The following PSMB7 variants were observed in gnomAD, a reference collection of about 807,000 sequenced individuals.
PSMB7 encodes proteasome subunit beta type-7.
A neutral mutation model predicts 28.1 loss-of-function variants in PSMB7; 5 were observed. That is an observed-to-expected ratio of 0.18 (90% CI 0.09 to 0.37). The LOEUF (loss-of-function observed/expected upper bound fraction) is 0.37, where lower values mean the gene tolerates loss of function less well. Among genes scored for constraint, PSMB7 ranks in the 10% least tolerant of loss-of-function variants. The probability of loss-of-function intolerance (pLI) is 1.00; values close to 1 mark genes in which losing one functional copy is unlikely to be tolerated. For missense variants in PSMB7, 275 were observed against 346.2 expected, an observed-to-expected ratio of 0.79 and a Z score of 1.63; for synonymous variants, 122 against 123.7, an observed-to-expected ratio of 0.99 and a Z score of 0.09.
At chr9:124,361,501 G>C (rs79967707) in intron 6 of PSMB7, among the ~76,000 whole-genome samples, 4,341 of 152,296 alleles carry the variant, frequency 0.029, 92 homozygotes, top group Non-Finnish European at 0.044. Flanking sequence ...GAATCATACA[G>C]AAAAGGCTGA....
chr9:124,375,004 G>A (rs1006083725), intron 6 of PSMB7, among the ~76,000 whole-genome samples: 1 of 151,834 alleles, frequency 6.6e-6, no homozygotes, highest in African/African-American at 2.4e-5. Context: ...AGCCGGGCAT[G>A]GTGGCGCACA....
At chr9:124,381,576 A>G (rs1830664907) in intron 6 of PSMB7, among the ~76,000 whole-genome samples, 1 of 152,252 alleles carries the variant, frequency 6.6e-6, no homozygotes, top group Admixed American at 6.5e-5. Context: ...TAATTAGGCA[A>G]GAAAAGTTAT....
chr9:124,386,385 G>T (rs986789201), intron 5 of PSMB7, among the ~76,000 whole-genome samples: 23 of 152,204 alleles, frequency 1.5e-4, no homozygotes, highest in Admixed American at 1.4e-3. Flanking sequence ...AGATTCAGGG[G>T]TCAAGGGGGA....
Position 124,414,442 on chromosome 9 carries a change from T to C in PSMB7, c.156+400A>G, listed in dbSNP as rs367793833. Among the ~76,000 whole-genome samples the C allele has an allele frequency of 1.3e-3, 193 of 152,254 alleles. 1 individual carries two copies. The highest frequency in any genetic ancestry group is 2.0e-3 in the Non-Finnish European group (134 of 68,020). ...AATTTAAGGCAGGAGTTATCTCCAT[T>C]TGATGCATCTGAAGGTGTCCCTGTG... On this transcript the variant is annotated intron_variant, in intron 2 of 7. Transcript: ENST00000259457.
rs772147967 is a variant in PSMB7 at position 124,405,330 on chromosome 9, A to C, written c.498T>G (p.Pro166=). Residue 166 remains proline (P), a synonymous_variant, in exon 5 of 8, where the codon CCT becomes CCG. Transcript: ENST00000259457. ...IYPHGSTDKL[P]YVTMGSGSLA... ...CGTTACACTCACCCATGGTGACATA[A>C]GGCAACTTATCAGTTGATCCATGAG... The C allele has an allele frequency of 1.9e-6, 3 of 1,609,394 alleles. No individual in the cohort carries two copies. Among genetic ancestry groups the C allele is most frequent in the East Asian group, 2.2e-5 (1 of 44,850 alleles).
rs375266282 is a variant in PSMB7, at chr9:124,412,377, G to A, written c.370C>T (p.Arg124Trp). ...GRLPRVVTAN[R>W]MLKQMLFRYQ... ...CTGAAAAGCATCTGCTTCAGCATCC[G>A]ATTGGCTGTCACAACTCTGGGAAGA... is the stretch of plus-strand genomic sequence containing the variant. Residue 124 changes from arginine to tryptophan, a missense_variant, in exon 4 of 8, where the codon CGG (arginine) becomes TGG (tryptophan). This residue lies in a region of PSMB7 where 213 missense variants were observed against 302.4 expected (regional missense o/e 0.70). Transcript: ENST00000259457. 1.9e-5 allele frequency: 31 copies of A among 1,613,952 alleles called. No homozygotes were observed. Among genetic ancestry groups the A allele is most frequent in the African/African-American group, 2.7e-5 (2 of 74,928 alleles).
At chr9:124,392,549 T>C (rs1238481077) in intron 5 of PSMB7, among the ~76,000 whole-genome samples, 1 of 152,190 alleles carries the variant, frequency 6.6e-6, no homozygotes, top group Non-Finnish European at 1.5e-5. Flanking sequence ...CTCTGAGGGT[T>C]ACACAAGATG....
rs1830412199 is a variant in PSMB7, at chr9:124,356,796, G to A, written c.690C>T (p.Arg230=). 2.5e-6 allele frequency: 4 copies of A among 1,614,166 alleles called. No individual in the cohort carries two copies. The highest frequency in any genetic ancestry group is 3.4e-6 in the Non-Finnish European group (4 of 1,180,006). Reference sequence around the variant, plus strand: ...CCTTCTTGTTGGGCACTGTGTATGGGCGGAGAAAATCCAGCTTGTTCTTGC... The same window carrying A: ...CCTTCTTGTTGGGCACTGTGTATGGACGGAGAAAATCCAGCTTGTTCTTGC... ...VISKNKLDFL[R]PYTVPNKKGT... The change falls in exon 7 of 8, where the codon CGC becomes CGT. Residue 230 remains arginine (R), a synonymous_variant. Transcript: ENST00000259457. This position sits in a 1 kb window ranked among gnomAD's most constrained non-coding sequence, Gnocchi z 4.4.
intron 6 of PSMB7, among the ~76,000 whole-genome samples, chr9:124,358,284 A>G (rs1588566084): frequency 6.6e-6 from 1 of 152,202 alleles, no homozygotes; most frequent in African/African-American, 2.4e-5. Flanking sequence ...TTCCAGTGAC[A>G]TAAGCGCCCT....
At chr9:124,367,444 C>T (rs1016148847) in intron 6 of PSMB7, among the ~76,000 whole-genome samples, 3 of 152,082 alleles carry the variant, frequency 2.0e-5, no homozygotes, top group African/African-American at 7.2e-5. Flanking sequence ...CTCCATGAGA[C>T]CTCCAGGCAT....
At chr9:124,392,961 G>A (rs1016429382) in intron 5 of PSMB7, among the ~76,000 whole-genome samples, 1 of 152,158 alleles carries the variant, frequency 6.6e-6, no homozygotes, top group East Asian at 1.9e-4. Context: ...AGCTCTCCCT[G>A]ACAGAGCGCT....
At chr9:124,382,048 C>T (rs1451077532) in intron 6 of PSMB7, among the ~76,000 whole-genome samples, 2 of 151,274 alleles carry the variant, frequency 1.3e-5, no homozygotes, top group Non-Finnish European at 3.0e-5. Flanking sequence ...TGCTTGAGCT[C>T]AGGAGTTCCA....
intron 6 of PSMB7, among the ~76,000 whole-genome samples, chr9:124,367,643 G>C (rs1830520650): frequency 6.6e-6 from 1 of 152,160 alleles, no homozygotes; most frequent in African/African-American, 2.4e-5. Context: ...ATCTAGTCCT[G>C]TTACTTACCA....
At chr9:124,374,359 TAC>T (rs1363063564) in intron 6 of PSMB7, among the ~76,000 whole-genome samples, 2 of 152,202 alleles carry the variant, frequency 1.3e-5, no homozygotes, top group Non-Finnish European at 2.9e-5. Flanking sequence ...ACCACTGAAC[TAC>T]ACAGTTAGAA....
At chr9:124,395,663 C>T (rs760787672) in intron 5 of PSMB7, among the ~76,000 whole-genome samples, 2 of 152,252 alleles carry the variant, frequency 1.3e-5, no homozygotes, top group Middle Eastern at 3.4e-3. Flanking sequence ...TAAAACGCGA[C>T]GCTTCAGCAC....
In PSMB7 at chr9:124,415,410, C is replaced by T. The variant is rs1402090401; in HGVS notation, c.16G>A (p.Val6Met). ...AAGCCTCCAACTGGTGGAGCATACA[C>T]CGACACAGCCGCCATCTTCCCAAGA... MAAVS[V>M]YAPPVGGFSF... The change falls in exon 1 of 8, where the codon GTG becomes ATG. Residue 6 changes from valine to methionine, a missense_variant. Around this residue, in one of 2 missense-constraint regions of PSMB7, gnomAD observed 62 missense variants for 43.9 expected, o/e 1.41. Transcript: ENST00000259457. The T allele has an allele frequency of 1.2e-6, 2 of 1,614,146 alleles. No homozygotes were observed. The highest frequency in any genetic ancestry group is 1.1e-5 in the South Asian group (1 of 91,086).
intron 2 of PSMB7, 33 bp downstream of exon 2, chr9:124,414,807 TCA>T: frequency 6.4e-7 from 1 of 1,569,704 alleles, no homozygotes; most frequent in Non-Finnish European, 8.8e-7. Context: ...TGTTGCCGGT[TCA>T]GTCACTGCTG....
chr9:124,401,242 T>C (rs567844443), intron 5 of PSMB7, among the ~76,000 whole-genome samples: 2 of 152,372 alleles, frequency 1.3e-5, no homozygotes, highest in South Asian at 4.1e-4. Context: ...TAGAAAATGC[T>C]TGAATGTCAC....
chr9:124,362,643 G>GAGAT (rs1255479865), intron 6 of PSMB7, among the ~76,000 whole-genome samples: 1 of 152,116 alleles, frequency 6.6e-6, no homozygotes, highest in African/African-American at 2.4e-5. Flanking sequence ...GTAAGTTCAA[G>GAGAT]AGATATATTG....
Sources: gnomAD v4.1 joint callset for allele counts (sites outside exome capture counted in the v4.1 genomes callset) on GRCh38, gnomAD v4.1.1 for gene constraint, gnomAD v4.1.1 regional missense constraint, Gnocchi (gnomAD v3.1) non-coding constraint, MANE v1.5 for transcripts, NCBI Gene and HGNC (gene_info 2026-07-23, HGNC 2026-07-21) for gene names.